COBLL1: variants seen among roughly 807,000 people sequenced by gnomAD.
COBLL1 encodes cordon-bleu protein-like 1.
A neutral mutation model predicts 94.8 loss-of-function variants in COBLL1; 50 were observed. The ratio of observed to expected loss-of-function variants is 0.53; its 90% confidence interval spans 0.42 to 0.67. The LOEUF (loss-of-function observed/expected upper bound fraction) is 0.67, where lower values mean the gene tolerates loss of function less well. COBLL1 is among the 30% of genes least tolerant of loss of function. The pLI, the probability that COBLL1 is intolerant of heterozygous loss-of-function variation, is 0.00. For synonymous variants in COBLL1, 448 were observed against 473.8 expected, an observed-to-expected ratio of 0.95 and a Z score of 0.71; for missense variants, 1,362 against 1,348.7, an observed-to-expected ratio of 1.01 and a Z score of -0.15.
intron 7 of COBLL1, 49 bp from the exon 8 acceptor site, chr2:164,705,154 C>A: frequency 7.0e-7 from 1 of 1,434,840 alleles, no homozygotes. Flanking sequence ...AAATCAGTAG[C>A]AAACTTTAGG....
At chr2:164,766,611 A>T (rs575493270) in intron 2 of COBLL1, among the ~76,000 whole-genome samples, 1 of 152,286 alleles carries the variant, frequency 6.6e-6, no homozygotes, top group African/African-American at 2.4e-5. Context: ...CAGAACCATG[A>T]GCCAATTAAA....
At chr2:164,770,969 G>A (rs1436663114) in intron 2 of COBLL1, among the ~76,000 whole-genome samples, 5 of 151,882 alleles carry the variant, frequency 3.3e-5, no homozygotes, top group Non-Finnish European at 5.9e-5. Flanking sequence ...ATAAAAATAA[G>A]ATATTTTTAT....
At chr2:164,755,016 A>T (rs1337039353) in intron 2 of COBLL1, among the ~76,000 whole-genome samples, 2 of 152,114 alleles carry the variant, frequency 1.3e-5, no homozygotes, top group Non-Finnish European at 2.9e-5. Context: ...AATTTAAAAA[A>T]TAGCCTGGCA....
intron 4 of COBLL1, among the ~76,000 whole-genome samples, chr2:164,729,495 A>G (rs899674846): frequency 1.8e-4 from 28 of 152,128 alleles, no homozygotes; most frequent in Non-Finnish European, 3.7e-4. Flanking sequence ...CACAATGAAG[A>G]ACTCGAAAAA....
chr2:164,695,354 G>T lies in COBLL1; in HGVS notation c.2038C>A (p.His680Asn), dbSNP rs189600717. The change falls in exon 12 of 14, where the codon CAT becomes AAT. Residue 680 changes from histidine (H) to asparagine (N), a missense_variant. By Grantham distance (68) the His-to-Asn change is moderately conservative. Coordinates refer to ENST00000652658, the MANE Select transcript of COBLL1 (RefSeq NM_001365672.2). ...GGAGGCAAAAGATCATCATTACCATGTGCACAAATTGGATCTTTTACGGTA... is the reference window on the plus strand; with the variant it reads ...GGAGGCAAAAGATCATCATTACCATTTGCACAAATTGGATCTTTTACGGTA... ...PLTVKDPICA[H>N]GNDDLLPPVD... is the part of the protein sequence containing the mutation. The T allele has an allele frequency of 7.4e-6, 12 of 1,613,930 alleles. No individual in the cohort carries two copies. In the East Asian group the frequency reaches 2.2e-4, roughly 30 times the overall value.
chr2:164,678,163 G>A (rs908398271), downstream of COBLL1, among the ~76,000 whole-genome samples: 2 of 152,120 alleles, frequency 1.3e-5, no homozygotes, highest in African/African-American at 2.4e-5. Context: ...TTCTGAAGGA[G>A]AAGAAAAACG....
chr2:164,702,351 C>T (rs1684329250), intron 9 of COBLL1, among the ~76,000 whole-genome samples: 1 of 151,566 alleles, frequency 6.6e-6, no homozygotes, highest in Admixed American at 6.6e-5. Flanking sequence ...ATCACAAGGT[C>T]AGGAGATCGA....
At chr2:164,742,268 TAAG>T (rs1686637387) in intron 3 of COBLL1, among the ~76,000 whole-genome samples, 1 of 151,796 alleles carries the variant, frequency 6.6e-6, no homozygotes, top group Non-Finnish European at 1.5e-5. Context: ...GTTACATCCC[TAAG>T]AAGAAATTTT....
chr2:164,675,221 T>C (rs1691317172), downstream of COBLL1, among the ~76,000 whole-genome samples: 1 of 152,188 alleles, frequency 6.6e-6, no homozygotes, highest in Admixed American at 6.5e-5. Context: ...AGACTGATGG[T>C]TGGGAAGGAG....
At chr2:164,720,348 T>C (rs1182054757) in intron 7 of COBLL1, among the ~76,000 whole-genome samples, 3 of 151,284 alleles carry the variant, frequency 2.0e-5, no homozygotes, top group African/African-American at 7.3e-5. Context: ...TCAAAAGAAA[T>C]AGCTTTCAGT....
chr2:164,826,779 A>T (rs567382471), intron 2 of COBLL1, among the ~76,000 whole-genome samples: 1 of 152,364 alleles, frequency 6.6e-6, no homozygotes, highest in East Asian at 1.9e-4. Flanking sequence ...ATTGCATCAG[A>T]CAACTGTAAG....
intron 3 of COBLL1, among the ~76,000 whole-genome samples, chr2:164,742,077 A>G (rs1268650478): frequency 6.6e-6 from 1 of 152,174 alleles, no homozygotes; most frequent in Non-Finnish European, 1.5e-5. Flanking sequence ...TTGAGGAAAC[A>G]GAAGAAAAGT....
downstream of COBLL1, among the ~76,000 whole-genome samples, chr2:164,676,707 C>T (rs192583488): frequency 2.6e-5 from 4 of 151,532 alleles, no homozygotes; most frequent in East Asian, 5.8e-4. Flanking sequence ...TTTTCTGCCA[C>T]GAGTCTAGAG....
chr2:164,810,842 T>C (rs1470723346), intron 2 of COBLL1, among the ~76,000 whole-genome samples: 1 of 151,938 alleles, frequency 6.6e-6, no homozygotes, highest in Non-Finnish European at 1.5e-5. Flanking sequence ...TGAAGCATGC[T>C]TCAAGCACTA....
intron 13 of COBLL1, among the ~76,000 whole-genome samples, chr2:164,690,407 T>C (rs140952492): frequency 1.6e-4 from 25 of 152,266 alleles, no homozygotes; most frequent in Non-Finnish European, 2.5e-4. Context: ...AGGAAACAAT[T>C]ATAGGATAAT....
intron 7 of COBLL1, among the ~76,000 whole-genome samples, chr2:164,707,690 T>C (rs985366425): frequency 1.3e-5 from 2 of 152,126 alleles, no homozygotes; most frequent in Admixed American, 1.3e-4. Context: ...TAAATACTCC[T>C]TGAATGAATA....
In COBLL1 at chr2:164,674,122, G is replaced by A. The variant is rs565240118; in HGVS notation, n.127-8221C>T. Among the ~76,000 whole-genome samples the A allele has an allele frequency of 5.3e-5, 8 of 152,174 alleles. No individual in the cohort carries two copies. In the South Asian group the frequency reaches 1.5e-3, roughly 28 times the overall value. Reference sequence around the variant, plus strand: ...TGTCGCCAGTCTGGAGTGCAGTGGCGTAATCTTGGCTCATTGCAACCTCCA... The same window carrying A: ...TGTCGCCAGTCTGGAGTGCAGTGGCATAATCTTGGCTCATTGCAACCTCCA... On this transcript the variant is annotated intron_variant and non_coding_transcript_variant, in intron 1 of 2. Transcript: ENST00000495084.
intron 2 of COBLL1, among the ~76,000 whole-genome samples, chr2:164,754,395 G>A (rs771269722): frequency 2.6e-5 from 4 of 152,130 alleles, no homozygotes; most frequent in Non-Finnish European, 4.4e-5. Context: ...CTGAGATTAG[G>A]TTACGAAAAG....
At chr2:164,801,043 G>C (rs1683750709) in intron 2 of COBLL1, among the ~76,000 whole-genome samples, 1 of 152,122 alleles carries the variant, frequency 6.6e-6, no homozygotes, top group Admixed American at 6.5e-5. Flanking sequence ...CTCACATCTG[G>C]AATCCCAACT....
Sources: allele counts gnomAD v4.1 joint callset (sites outside exome capture counted in the v4.1 genomes callset), GRCh38; gene constraint gnomAD v4.1.1; transcripts MANE v1.5; gene names NCBI Gene and HGNC (gene_info 2026-07-23, HGNC 2026-07-21).